The following MFN2 variants were observed in gnomAD, a reference collection of about 807,000 sequenced individuals.
MFN2 encodes mitofusin 2.
MFN2 carries 43 observed loss-of-function variants against 87.5 expected under a neutral mutation model. That is an observed-to-expected ratio of 0.49 (90% confidence interval 0.38 to 0.63). MFN2 has a LOEUF of 0.63. Among genes scored for constraint, MFN2 ranks in the 30% least tolerant of loss-of-function variants. MFN2 has a pLI of 0.00. For synonymous variants in MFN2, 337 were observed against 359.9 expected, an observed-to-expected ratio of 0.94 and a Z score of 0.72; for missense variants, 743 against 972.8, an observed-to-expected ratio of 0.76 and a Z score of 3.14.
At chr1:12,002,956 G>C (rs1391673831) in intron 11 of MFN2, among the ~76,000 whole-genome samples, 1 of 152,172 alleles carries the variant, frequency 6.6e-6, no homozygotes, top group Non-Finnish European at 1.5e-5. Flanking sequence ...CACTGTACCT[G>C]GCTTTGCTTT....
chr1:11,985,123 T>C (rs1638335967), intron 2 of MFN2, among the ~76,000 whole-genome samples: 1 of 152,070 alleles, frequency 6.6e-6, no homozygotes, highest in Non-Finnish European at 1.5e-5. Flanking sequence ...TGACACTCTC[T>C]CCAGGTAGAC....
Position 11,997,335 on chromosome 1 carries a change from G to A in MFN2, c.513G>A (p.Lys171=). ...NQLAHALHQD[K]QLHAGSLVSV... is the part of the protein sequence containing the mutation. Reference sequence around the variant, plus strand: ...TGGCCCATGCCCTCCACCAGGACAAGCAGCTCCATGCCGGCAGCCTAGTGA... The same window carrying A: ...TGGCCCATGCCCTCCACCAGGACAAACAGCTCCATGCCGGCAGCCTAGTGA... The change falls in exon 6 of 19, where the codon AAG becomes AAA. Residue 171 remains lysine (K), a synonymous_variant. Transcript: ENST00000235329. The A allele has an allele frequency of 6.2e-7, 1 of 1,614,202 alleles. No individual in the cohort carries two copies. The highest frequency in any genetic ancestry group is 8.5e-7 in the Non-Finnish European group (1 of 1,180,040).
At chr1:12,008,544 G>A (rs58097155) in intron 17 of MFN2, among the ~76,000 whole-genome samples, 2,370 of 150,862 alleles carry the variant, frequency 0.016, 33 homozygotes, top group African/African-American at 0.037. Context: ...GCTGCCTGGC[G>A]GAGGGGCTCC....
chr1:12,001,148 T>C (rs1330393444), intron 8 of MFN2, among the ~76,000 whole-genome samples: 1 of 152,174 alleles, frequency 6.6e-6, no homozygotes, highest in Non-Finnish European at 1.5e-5. Flanking sequence ...GTAGCTGGGA[T>C]TACAGGCGCC....
At chr1:12,011,224 G>T (rs1639679503) in intron 18 of MFN2, among the ~76,000 whole-genome samples, 2 of 152,218 alleles carry the variant, frequency 1.3e-5, no homozygotes, top group Admixed American at 1.3e-4. Context: ...ACAGCTCAGG[G>T]ACTTGCACAT....
At chr1:12,002,643 G>A (rs547868721) in intron 11 of MFN2, among the ~76,000 whole-genome samples, 14 of 152,178 alleles carry the variant, frequency 9.2e-5, no homozygotes, top group African/African-American at 1.9e-4. Context: ...AGCTGTGATC[G>A]CACCACTGCA....
In MFN2 at chr1:11,991,923, CAAAAAAAAA is replaced by C. The variant is rs35314016; in HGVS notation, c.176-611_176-603del. Among the ~76,000 whole-genome samples, 231 of 16,730 alleles carry C rather than the reference CAAAAAAAAA, an allele frequency of 0.014. 11 individuals carry two copies. In the East Asian group the frequency reaches 0.24, roughly 17 times the overall value. 11.0% of individuals were successfully genotyped at this position (16,730 alleles called of 152,430 possible). On this transcript the variant is annotated intron_variant, in intron 3 of 18. Coordinates refer to ENST00000235329, the MANE Select transcript of MFN2 (RefSeq NM_014874.4). ...TGGGCGACAGAGCGAGACTCCGTCTCAAAAAAAAAAAAAAAAAAAAAAAAAAAAAGAAGT... is the reference window on the plus strand; with the variant it reads ...TGGGCGACAGAGCGAGACTCCGTCTCAAAAAAAAAAAAAAAAAAAAGAAGT...
intron 18 of MFN2, 98 bp from the exon 19 acceptor site, chr1:12,011,398 G>GT (rs774337668): frequency 1.0e-5 from 12 of 1,183,096 alleles, no homozygotes; most frequent in African/African-American, 1.5e-5. Context: ...GATGATGTAA[G>GT]GGTGTGTGTC....
At position 12,003,141 on chromosome 1, in the gene MFN2, G is replaced by A. The variant is rs74052924; in HGVS notation, c.1161-851G>A. ...TGGACATTTGTTCATGTGTCCCCTT[G>A]TGCACCTTTTTAAGAGTCTTCCTGG... On this transcript the variant is annotated intron_variant, in intron 11 of 18. Transcript: ENST00000235329. This position sits in a 1 kb window ranked among gnomAD's most constrained non-coding sequence, Gnocchi z 4.1. Among the ~76,000 whole-genome samples the A allele has an allele frequency of 0.03, 4,525 of 152,038 alleles. 215 individuals carry two copies. Among genetic ancestry groups the A allele is most frequent in the African/African-American group, 0.1 (4,267 of 41,418 alleles).
At chr1:11,996,881 T>C (rs1638929724) in intron 5 of MFN2, among the ~76,000 whole-genome samples, 1 of 151,918 alleles carries the variant, frequency 6.6e-6, no homozygotes. Flanking sequence ...CTACTAAAAA[T>C]ACAAAAATTA....
chr1:11,992,966 A>AC (rs1638755543), intron 4 of MFN2, among the ~76,000 whole-genome samples: 2 of 31,296 alleles, frequency 6.4e-5, no homozygotes, highest in Admixed American at 6.2e-4. Context: ...ATCAAGCCTG[A>AC]CTTTTTTTTT....
chr1:11,985,894 T>G (rs1168018054), intron 2 of MFN2, among the ~76,000 whole-genome samples: 1 of 152,216 alleles, frequency 6.6e-6, no homozygotes, highest in Admixed American at 6.5e-5. Flanking sequence ...TTTGCTGCTT[T>G]GGAAGAGTGA....
chr1:11,983,161 C>T (rs965370722), intron 2 of MFN2, among the ~76,000 whole-genome samples: 1 of 152,148 alleles, frequency 6.6e-6, no homozygotes, highest in African/African-American at 2.4e-5. Flanking sequence ...CAAGCTCTGC[C>T]TCCCAGGTTC....
intron 2 of MFN2, among the ~76,000 whole-genome samples, chr1:11,985,690 A>G (rs907965046): frequency 1.3e-5 from 2 of 150,938 alleles, no homozygotes; most frequent in Admixed American, 6.6e-5. Context: ...CTGGTCTTGA[A>G]CTCCTGACCT....
At position 11,998,171 on chromosome 1, in the gene MFN2, T is replaced by C. The variant is rs899080142; in HGVS notation, c.600-599T>C. Among the ~76,000 whole-genome samples the C allele has an allele frequency of 6.6e-5, 10 of 151,858 alleles. 1 individual carries two copies. The highest frequency in any genetic ancestry group is 3.9e-4 in the East Asian group (2 of 5,118). ...TGCTGGGATTACGGGCATGAGCCAC[T>C]GTGCCCCGCCTGGTATATCATCTTT... is the stretch of plus-strand genomic sequence containing the variant. On this transcript the variant is annotated intron_variant, in intron 6 of 18. Coordinates refer to ENST00000235329, the MANE Select transcript of MFN2 (RefSeq NM_014874.4).
chr1:12,008,886 A>C (rs1639561408), intron 17 of MFN2, among the ~76,000 whole-genome samples: 1 of 152,204 alleles, frequency 6.6e-6, no homozygotes, highest in East Asian at 1.9e-4. Flanking sequence ...TAGCGAGCTG[A>C]GATCATGCCA....
intron 3 of MFN2, among the ~76,000 whole-genome samples, chr1:11,991,370 G>A (rs1638666655): frequency 6.6e-6 from 1 of 152,172 alleles, no homozygotes; most frequent in Non-Finnish European, 1.5e-5. Context: ...CCGGGGTCCT[G>A]ACTCAGGTTA....
At chr1:11,995,863 C>CA (rs1638886275) in intron 4 of MFN2, among the ~76,000 whole-genome samples, 1 of 152,142 alleles carries the variant, frequency 6.6e-6, no homozygotes, top group Admixed American at 6.5e-5. Context: ...GACAGACAGA[C>CA]AGTCTCTATA....
chr1:12,012,646 C>G lies in MFN2; in HGVS notation c.*1081C>G, dbSNP rs2100878314. Reference sequence around the variant, plus strand: ...TGGACTAAATTTCCTGTGCCAGTGACTGCAGTTGGCCAAGGGACAATGTGG... The same window carrying G: ...TGGACTAAATTTCCTGTGCCAGTGAGTGCAGTTGGCCAAGGGACAATGTGG... On this transcript the variant is annotated 3_prime_UTR_variant, in exon 19 of 19. Coordinates refer to ENST00000235329, the MANE Select transcript of MFN2 (RefSeq NM_014874.4). 1 of 152,426 alleles carries G rather than the reference C, an allele frequency of 6.6e-6. No homozygotes were observed. Among genetic ancestry groups the G allele is most frequent in the Middle Eastern group, 3.4e-3 (1 of 294 alleles). 9.4% of individuals were successfully genotyped at this position (152,426 alleles called of 1,614,324 possible). A position where few individuals can be genotyped will look rare whatever the true frequency, so the allele number is the denominator to read the frequency against.
Sources: gnomAD v4.1 joint callset for allele counts (sites outside exome capture counted in the v4.1 genomes callset) on GRCh38, gnomAD v4.1.1 for gene constraint, Gnocchi (gnomAD v3.1) non-coding constraint, MANE v1.5 for transcripts, NCBI Gene and HGNC (gene_info 2026-07-23, HGNC 2026-07-21) for gene names.